PAQR5: variants seen among roughly 807,000 people sequenced by gnomAD.
The protein encoded by PAQR5 is progestin and adipoQ receptor family member 5.
A neutral mutation model predicts 34.5 loss-of-function variants in PAQR5; 20 were observed. That is an observed-to-expected ratio of 0.58 (90% CI 0.41 to 0.84). PAQR5 has a LOEUF of 0.84. Ranked by LOEUF, PAQR5 falls within the 40% of genes least tolerant of loss-of-function variation. PAQR5 has a pLI of 0.00. For synonymous variants in PAQR5, 131 were observed against 155.6 expected (o/e 0.84, Z 1.18); for missense variants, 378 against 412.7 (o/e 0.92, Z 0.73).
rs540719666 is a variant in PAQR5, at chr15:69,404,711, G to C, written c.*889G>C. ...ATTGCTTCAGCATTTCAAATATGTT[G>C]CAAAATTTAGTATCCATATGCATAA... is the stretch of plus-strand genomic sequence containing the variant. On this transcript the variant is annotated 3_prime_UTR_variant, in exon 9 of 9. Transcript: ENST00000395407. 7.9e-6 allele frequency: 3 copies of C among 379,984 alleles called. No individual in the cohort carries two copies. The highest frequency in any genetic ancestry group is 6.2e-5 in the African/African-American group (3 of 48,330). The allele number at this position is 379,984 out of a possible 1,614,324, so 23.5% of individuals were successfully genotyped here. A position where few individuals can be genotyped will look rare whatever the true frequency, so the allele number is the denominator to read the frequency against.
intron 1 of PAQR5, among the ~76,000 whole-genome samples, chr15:69,318,244 G>A (rs894313990): frequency 5.9e-5 from 9 of 152,188 alleles, no homozygotes; most frequent in Admixed American, 3.3e-4. Context: ...TGGGACAGAC[G>A]GTGTGGTGGA....
chr15:69,300,869 CTTTCTTTCTTTCTTTCTTTCTTT>C (rs1566986297), intron 1 of PAQR5, among the ~76,000 whole-genome samples: 1 of 21,524 alleles, frequency 4.6e-5, no homozygotes, highest in Non-Finnish European at 1.1e-4. Context: ...TTCTTTCTTT[CTTTCTTTCTTTCTTTCTTTCTTT>C]CTTCCTTCCT....
chr15:69,319,380 G>A (rs1009142546), intron 1 of PAQR5, among the ~76,000 whole-genome samples: 3 of 150,984 alleles, frequency 2.0e-5, no homozygotes, highest in African/African-American at 7.3e-5. Context: ...GCTTGCTTTT[G>A]GTTGTGAGTG....
intron 2 of PAQR5, among the ~76,000 whole-genome samples, chr15:69,346,497 A>G (rs1411984460): frequency 1.3e-5 from 2 of 151,352 alleles, no homozygotes; most frequent in Non-Finnish European, 1.5e-5. Context: ...AGGAGGTATC[A>G]CTATGTTGCC....
chr15:69,327,881 C>T (rs925312444), intron 1 of PAQR5, among the ~76,000 whole-genome samples: 12 of 152,056 alleles, frequency 7.9e-5, no homozygotes, highest in African/African-American at 2.9e-4. Context: ...CAGAGTCAAG[C>T]GATTCTCCTG....
chr15:69,399,332 C>G (rs1020276630), intron 7 of PAQR5, among the ~76,000 whole-genome samples: 1 of 152,154 alleles, frequency 6.6e-6, no homozygotes. Context: ...CAAGACCGAC[C>G]CCTTTTCTTC....
chr15:69,380,096 G>A, intron 4 of PAQR5, 86 bp downstream of exon 4: 1 of 1,454,274 alleles, frequency 6.9e-7, no homozygotes, highest in Non-Finnish European at 9.5e-7. Context: ...TGTTGAGAGG[G>A]CTGAGATTCT....
chr15:69,342,615 C>A (rs1226666302), intron 2 of PAQR5, among the ~76,000 whole-genome samples: 1 of 152,170 alleles, frequency 6.6e-6, no homozygotes, highest in Non-Finnish European at 1.5e-5. Context: ...CCATCGTCCC[C>A]CAGGGTGCTA....
rs1402223724 is a variant in PAQR5 at position 69,382,777 on chromosome 15, CATATATATATATATATATATGACCAT to C, written c.180-1879_180-1854del. The C allele has an allele frequency of 1.9e-3, 240 of 124,620 alleles. 1 individual carries two copies. The highest frequency in any genetic ancestry group is 5.3e-3 in the African/African-American group (155 of 29,016). The allele number at this position is 124,620 out of a possible 1,614,324, so 7.7% of individuals were successfully genotyped here. A position where few individuals can be genotyped will look rare whatever the true frequency, so the allele number is the denominator to read the frequency against. On this transcript the variant is annotated intron_variant, in intron 4 of 8. Coordinates refer to ENST00000395407, the MANE Select transcript of PAQR5 (RefSeq NM_017705.4). The stretch of plus-strand genomic sequence containing the variant: ...ATATATATGTGTATATATATGTGAC[CATATATATATATATATATATGACCAT>C]ATATATATATATATATATATATATA...
intron 2 of PAQR5, among the ~76,000 whole-genome samples, chr15:69,338,344 C>T (rs777565520): frequency 6.6e-6 from 1 of 152,162 alleles, no homozygotes; most frequent in Non-Finnish European, 1.5e-5. Flanking sequence ...GTTAGAAGTC[C>T]CCAAGCTAAT....
At chr15:69,333,535 G>A (rs2054439729) in intron 1 of PAQR5, among the ~76,000 whole-genome samples, 1 of 152,192 alleles carries the variant, frequency 6.6e-6, no homozygotes, top group Non-Finnish European at 1.5e-5. Flanking sequence ...CCCGCACTGG[G>A]AGATGAGACT....
At chr15:69,316,526 T>G (rs1355937514) in intron 1 of PAQR5, among the ~76,000 whole-genome samples, 4 of 152,174 alleles carry the variant, frequency 2.6e-5, no homozygotes, top group African/African-American at 9.7e-5. Context: ...AATGTGTTAC[T>G]TACGATATTG....
intron 1 of PAQR5, among the ~76,000 whole-genome samples, chr15:69,319,361 T>C (rs1029928661): frequency 1.3e-5 from 2 of 150,944 alleles, no homozygotes; most frequent in African/African-American, 2.4e-5. Flanking sequence ...CCCAGCTCCT[T>C]GTACTTCTGC....
intron 1 of PAQR5, among the ~76,000 whole-genome samples, chr15:69,305,591 G>A (rs2053697684): frequency 6.6e-6 from 1 of 152,030 alleles, no homozygotes; most frequent in African/African-American, 2.4e-5. Context: ...TTCCAGTGCG[G>A]GGCAGCGTGG....
chr15:69,308,573 C>G (rs2053766158), intron 1 of PAQR5, among the ~76,000 whole-genome samples: 5 of 152,082 alleles, frequency 3.3e-5, no homozygotes, highest in Admixed American at 1.3e-4. Flanking sequence ...TTGTGACAAC[C>G]AAAAATATCT....
chr15:69,343,563 A>G (rs1347089285), intron 2 of PAQR5, among the ~76,000 whole-genome samples: 1 of 152,250 alleles, frequency 6.6e-6, no homozygotes, highest in African/African-American at 2.4e-5. Context: ...TGGAGAAAGT[A>G]ATCATTGCAG....
chr15:69,348,695 G>A (rs774516265), intron 2 of PAQR5, among the ~76,000 whole-genome samples: 5 of 150,822 alleles, frequency 3.3e-5, no homozygotes, highest in African/African-American at 7.5e-5. Context: ...AGGTTTTTCC[G>A]ATCTGATACT....
chr15:69,400,211 G>T, intron 8 of PAQR5, 96 bp downstream of exon 8: 1 of 1,268,060 alleles, frequency 7.9e-7, no homozygotes, highest in Non-Finnish European at 1.1e-6. Context: ...AAAGGGCAGG[G>T]AAGGGCAGAG....
chr15:69,376,348 A>G (rs1012164803), intron 3 of PAQR5, among the ~76,000 whole-genome samples: 20 of 152,242 alleles, frequency 1.3e-4, no homozygotes, highest in African/African-American at 3.9e-4. Context: ...TGTCCTTTCA[A>G]TGTATGTACC....
Sources: gnomAD v4.1 joint callset for allele counts (sites outside exome capture counted in the v4.1 genomes callset) on GRCh38, gnomAD v4.1.1 for gene constraint, MANE v1.5 for transcripts, NCBI Gene and HGNC (gene_info 2026-07-23, HGNC 2026-07-21) for gene names.